Variants in SLC39A12 observed in about 807,000 individuals in gnomAD.
The protein encoded by SLC39A12 is zinc transporter ZIP12.
In SLC39A12, 63 loss-of-function variants were observed where a neutral mutation model predicts 71.1. The observed-to-expected ratio is 0.89, with a 90% CI of 0.72 to 1.09. The LOEUF (loss-of-function observed/expected upper bound fraction) is 1.09, where lower values mean the gene tolerates loss of function less well. Ranked by LOEUF, SLC39A12 falls within the 50% of genes least tolerant of loss-of-function variation. SLC39A12 has a pLI of 0.00. For missense variants in SLC39A12, 892 were observed against 812.6 expected (o/e 1.10, Z -1.19); for synonymous variants, 351 against 301.3 (o/e 1.16, Z -1.71).
At chr10:18,011,731 G>A (rs1422837237) in intron 12 of SLC39A12, among the ~76,000 whole-genome samples, 2 of 152,176 alleles carry the variant, frequency 1.3e-5, no homozygotes, top group Admixed American at 1.3e-4. Context: ...GTTTAAAGCA[G>A]GTAACATCTT....
chr10:18,003,253 C>T lies in SLC39A12; in HGVS notation c.1842C>T (p.Phe614=), dbSNP rs865947512. Residue 614 remains phenylalanine, a synonymous_variant, in exon 12 of 13, where the codon TTC becomes TTT. Coordinates refer to ENST00000377369, the MANE Select transcript of SLC39A12 (RefSeq NM_001145195.2). The part of the protein sequence containing the change: ...LMNFISSLTA[F]MGLYIGLSVS... The stretch of plus-strand genomic sequence containing the variant: ...ATTTTATAAGCTCCCTAACTGCCTT[C>T]ATGGGATTATACATTGGCCTTTCCG... 6.2e-7 allele frequency: 1 copy of T among 1,614,092 alleles called. No homozygotes were observed. The highest frequency in any genetic ancestry group is 8.5e-7 in the Non-Finnish European group (1 of 1,179,992).
intron 12 of SLC39A12, among the ~76,000 whole-genome samples, chr10:18,041,775 A>G (rs1285221530): frequency 1.4e-5 from 2 of 145,314 alleles, no homozygotes; most frequent in Non-Finnish European, 1.5e-5. Context: ...ATGTATACAT[A>G]TGTATATACA....
intron 12 of SLC39A12, among the ~76,000 whole-genome samples, chr10:18,015,833 T>C (rs1303944669): frequency 1.3e-5 from 2 of 152,102 alleles, no homozygotes; most frequent in Non-Finnish European, 2.9e-5. Context: ...ATGTGGCTAT[T>C]ATGCCTTGAA....
At chr10:17,987,786 A>G (rs1423081791) in intron 7 of SLC39A12, 135 bp downstream of exon 7, 12 of 921,026 alleles carry the variant, frequency 1.3e-5, no homozygotes, top group South Asian at 5.1e-5. Context: ...TTAAAAAGAA[A>G]TATTATTTCC....
At chr10:17,967,464 G>A (rs964313837) in intron 4 of SLC39A12, among the ~76,000 whole-genome samples, 5 of 152,004 alleles carry the variant, frequency 3.3e-5, no homozygotes, top group African/African-American at 9.7e-5. Flanking sequence ...ACTTCCCCTC[G>A]TCACTACTTC....
chr10:17,995,802 C>G (rs981180321), intron 10 of SLC39A12, 80 bp downstream of exon 10: 72 of 1,268,564 alleles, frequency 5.7e-5, no homozygotes, highest in Admixed American at 3.6e-4. Flanking sequence ...AATGTCAAAA[C>G]TATATAGATA....
chr10:18,027,502 G>T (rs182858279), intron 12 of SLC39A12, among the ~76,000 whole-genome samples: 18 of 152,334 alleles, frequency 1.2e-4, no homozygotes, highest in Admixed American at 1.0e-3. Context: ...GCTCCTGGAG[G>T]TAAAACTCAC....
Position 17,995,670 on chromosome 10 carries a change from T to G in SLC39A12, c.1548T>G (p.Asp516Glu). ...ASTIQLKSPE[D>E]SQAAEMPIGS... ...ATTTAAAATAGAAAAGCCCAGAAGATTCACAGGCAGCTGAAATGCCTATAG... is the reference window on the plus strand; with the variant it reads ...ATTTAAAATAGAAAAGCCCAGAAGAGTCACAGGCAGCTGAAATGCCTATAG... The change falls in exon 10 of 13, where the codon GAT (aspartate) becomes GAG (glutamate). Residue 516 changes from aspartate (D) to glutamate (E), a missense_variant. Coordinates refer to ENST00000377369, the MANE Select transcript of SLC39A12 (RefSeq NM_001145195.2). The G allele has an allele frequency of 6.2e-7, 1 of 1,613,396 alleles. No individual in the cohort carries two copies. Among genetic ancestry groups the G allele is most frequent in the Non-Finnish European group, 8.5e-7 (1 of 1,179,726 alleles).
At chr10:18,014,924 C>T (rs1836333293) in intron 12 of SLC39A12, among the ~76,000 whole-genome samples, 1 of 152,148 alleles carries the variant, frequency 6.6e-6, no homozygotes, top group Non-Finnish European at 1.5e-5. Context: ...TTCTAACTAT[C>T]TGCAAGAAAA....
At position 18,042,799 on chromosome 10, in the gene SLC39A12, T is replaced by C. The variant is rs955777282; in HGVS notation, c.2042T>C (p.Leu681Pro). 1.8e-5 allele frequency: 29 copies of C among 1,612,978 alleles called. No homozygotes were observed. The highest frequency in any genetic ancestry group is 2.4e-5 in the Non-Finnish European group (28 of 1,179,574). The change falls in exon 13 of 13, where the codon CTC (leucine) becomes CCC (proline). Residue 681 changes from leucine (L) to proline (P), a missense_variant. Transcript: ENST00000377369. ...ATCCTAGGTTGGCTTTCTCTCCTGC[T>C]CTTGGCTATATATGAGCAAAATATT... ...GLILGWLSLL[L>P]LAIYEQNIKI
intron 6 of SLC39A12, among the ~76,000 whole-genome samples, chr10:17,982,030 T>A (rs1208114224): frequency 6.6e-6 from 1 of 152,182 alleles, no homozygotes; most frequent in African/African-American, 2.4e-5. Context: ...AAAGCAGTGA[T>A]ATCCTATAGG....
At chr10:18,000,907 T>A in intron 11 of SLC39A12, 82 bp downstream of exon 11, 1 of 1,304,364 alleles carries the variant, frequency 7.7e-7, no homozygotes, top group South Asian at 1.4e-5. Context: ...CTAGGATTCT[T>A]TTTCTAACCT....
chr10:18,027,918 C>T (rs1050605646), intron 12 of SLC39A12, among the ~76,000 whole-genome samples: 4 of 152,268 alleles, frequency 2.6e-5, no homozygotes, highest in African/African-American at 9.6e-5. Flanking sequence ...TTAGAGACTC[C>T]CACAGAATGT....
At chr10:18,039,018 A>AAATAAT (rs1341910964) in intron 12 of SLC39A12, among the ~76,000 whole-genome samples, 2 of 152,170 alleles carry the variant, frequency 1.3e-5, no homozygotes. Context: ...ATAATAGTCC[A>AAATAAT]CTCAAAATAA....
At chr10:18,026,395 A>G (rs1037074376) in intron 12 of SLC39A12, among the ~76,000 whole-genome samples, 4 of 152,068 alleles carry the variant, frequency 2.6e-5, no homozygotes, top group African/African-American at 7.2e-5. Context: ...TCTTGCTTGC[A>G]TGGTTTCTAA....
intron 4 of SLC39A12, among the ~76,000 whole-genome samples, chr10:17,973,786 G>A (rs1835035421): frequency 6.6e-6 from 1 of 151,820 alleles, no homozygotes; most frequent in Admixed American, 6.6e-5. Context: ...CTTTAGGGTT[G>A]GGAAGTTCTC....
intron 2 of SLC39A12, among the ~76,000 whole-genome samples, chr10:17,958,356 C>A (rs181108153): frequency 6.6e-6 from 1 of 152,270 alleles, no homozygotes; most frequent in East Asian, 1.9e-4. Context: ...CATCAAACAA[C>A]CTGAGTAGCA....
At chr10:17,985,755 C>A (rs893637810) in intron 6 of SLC39A12, among the ~76,000 whole-genome samples, 3 of 152,008 alleles carry the variant, frequency 2.0e-5, no homozygotes, top group Non-Finnish European at 2.9e-5. Flanking sequence ...AATCTTATCT[C>A]TTCCCTTTTC....
intron 12 of SLC39A12, among the ~76,000 whole-genome samples, chr10:18,036,202 T>A (rs1837009961): frequency 6.6e-6 from 1 of 152,232 alleles, no homozygotes; most frequent in South Asian, 2.1e-4. Flanking sequence ...GGCTGCTTTG[T>A]TTACCTAAGC....
Sources: allele counts gnomAD v4.1 joint callset (sites outside exome capture counted in the v4.1 genomes callset), GRCh38; gene constraint gnomAD v4.1.1; transcripts MANE v1.5; gene names NCBI Gene and HGNC (gene_info 2026-07-23, HGNC 2026-07-21).